Variants in TMPRSS15 observed in about 807,000 individuals in gnomAD.
TMPRSS15 encodes the protein enteropeptidase.
A neutral mutation model predicts 125.3 loss-of-function variants in TMPRSS15; 128 were observed. The ratio of observed to expected loss-of-function variants is 1.02; its 90% CI spans 0.89 to 1.18. TMPRSS15 has a LOEUF of 1.18. TMPRSS15 is among the 50% of genes most tolerant of loss of function. The pLI, the probability that TMPRSS15 is intolerant of heterozygous loss-of-function variation, is 0.00. For missense variants in TMPRSS15, 1,283 were observed against 1,212.7 expected (o/e 1.06, Z -0.86); for synonymous variants, 446 against 423.2 (o/e 1.05, Z -0.66).
At chr21:18,433,109 A>C (rs935272307) in intron 1 of TMPRSS15, among the ~76,000 whole-genome samples, 1 of 152,174 alleles carries the variant, frequency 6.6e-6, no homozygotes, top group Non-Finnish European at 1.5e-5. Flanking sequence ...ACTAACTAGC[A>C]GCCAATATGC....
At chr21:18,476,129 A>T (rs1232161999) in intron 1 of TMPRSS15, among the ~76,000 whole-genome samples, 1 of 152,170 alleles carries the variant, frequency 6.6e-6, no homozygotes, top group Non-Finnish European at 1.5e-5. Flanking sequence ...AAGAAATCAT[A>T]TATGAAAAAA....
intron 1 of TMPRSS15, among the ~76,000 whole-genome samples, chr21:18,427,169 C>A (rs1352469875): frequency 6.6e-6 from 1 of 152,208 alleles, no homozygotes; most frequent in African/African-American, 2.4e-5. Context: ...AACAGATTCA[C>A]TTCTCTCTCC....
intron 18 of TMPRSS15, among the ~76,000 whole-genome samples, chr21:18,312,610 T>C (rs952362979): frequency 1.3e-5 from 2 of 151,766 alleles, no homozygotes; most frequent in Non-Finnish European, 2.9e-5. Context: ...TATTTATCTA[T>C]ATTATGATAT....
At chr21:18,279,888 T>A (rs1208270551) in intron 22 of TMPRSS15, among the ~76,000 whole-genome samples, 3 of 152,138 alleles carry the variant, frequency 2.0e-5, no homozygotes, top group African/African-American at 7.2e-5. Flanking sequence ...AGCATTGACA[T>A]TGGTCACTGA....
intron 3 of TMPRSS15, among the ~76,000 whole-genome samples, chr21:18,388,309 A>G (rs576832233): frequency 6.6e-6 from 1 of 152,278 alleles, no homozygotes; most frequent in South Asian, 2.1e-4. Flanking sequence ...GGAAACAAAC[A>G]ATCCCTAAGC....
chr21:18,348,163 A>C (rs34000631), intron 10 of TMPRSS15, among the ~76,000 whole-genome samples: 20,511 of 152,142 alleles, frequency 0.13, 1,912 homozygotes, highest in East Asian at 0.39. Flanking sequence ...CCAGTCTGGG[A>C]GACAGAGTGA....
At chr21:18,481,463 A>G (rs1186812506) in intron 1 of TMPRSS15, among the ~76,000 whole-genome samples, 1 of 151,862 alleles carries the variant, frequency 6.6e-6, no homozygotes, top group African/African-American at 2.4e-5. Context: ...TCAGTTGTAA[A>G]ACAATTTATG....
At position 18,359,847 on chromosome 21, in the gene TMPRSS15, A is replaced by C; in HGVS notation, c.790T>G (p.Ser264Ala). The C allele has an allele frequency of 6.6e-7, 1 of 1,515,704 alleles. No individual in the cohort carries two copies. Among genetic ancestry groups the C allele is most frequent in the South Asian group, 1.1e-5 (1 of 88,780 alleles). The allele number at this position is 1,515,704 out of a possible 1,614,324, so 93.9% of individuals were successfully genotyped here. Residue 264 changes from serine (S) to alanine (A), a missense_variant, in exon 8 of 25, where the codon TCC becomes GCC. Coordinates refer to ENST00000284885, the MANE Select transcript of TMPRSS15 (RefSeq NM_002772.3). ...AAATCATCGAAGCTCAGTTTAATGG[A>C]AAGTCCTTGGTTTACACTAAATTAA... ...QWIIRVNQGLSIKLSFDDFNT... is the reference protein window; with the variant it reads ...QWIIRVNQGLAIKLSFDDFNT...
intron 18 of TMPRSS15, among the ~76,000 whole-genome samples, chr21:18,300,793 G>GA (rs1042899031): frequency 2.2e-4 from 29 of 131,862 alleles, no homozygotes; most frequent in Admixed American, 1.7e-4. Flanking sequence ...GATTGACAGT[G>GA]ATTTTTTTTT....
rs1357742266 is a variant in TMPRSS15, at chr21:18,269,329, A to G, written c.*640T>C. 2.0e-5 allele frequency: 3 copies of G among 152,228 alleles called. No individual in the cohort carries two copies. Among genetic ancestry groups the G allele is most frequent in the African/African-American group, 7.2e-5 (3 of 41,454 alleles). The allele number at this position is 152,228 out of a possible 1,614,324, so 9.4% of individuals were successfully genotyped here. A position where few individuals can be genotyped will look rare whatever the true frequency, so the allele number is the denominator to read the frequency against. On this transcript the variant is annotated 3_prime_UTR_variant, in exon 25 of 25. Transcript: ENST00000284885. ...ATAGGTAAAATTTATCTAATATACAATGACTATATCAGTTAATTTATCTTT... is the reference window on the plus strand; with the variant it reads ...ATAGGTAAAATTTATCTAATATACAGTGACTATATCAGTTAATTTATCTTT...
At chr21:18,382,424 C>T (rs1266179538) in intron 4 of TMPRSS15, among the ~76,000 whole-genome samples, 3 of 152,086 alleles carry the variant, frequency 2.0e-5, no homozygotes, top group Admixed American at 1.3e-4. Flanking sequence ...ACAGCAGCTG[C>T]AACATGTTGC....
At chr21:18,416,419 A>C (rs2076180311) in intron 1 of TMPRSS15, among the ~76,000 whole-genome samples, 1 of 152,072 alleles carries the variant, frequency 6.6e-6, no homozygotes, top group Middle Eastern at 3.2e-3. Context: ...CTTTTTCAGA[A>C]TATCCTAGAG....
rs561122993 is a variant in TMPRSS15, at chr21:18,348,389, A to G, written c.1172-4329T>C. Among the ~76,000 whole-genome samples, 5 of 152,316 alleles carry G rather than the reference A, an allele frequency of 3.3e-5. No homozygotes were observed. In the South Asian group the frequency reaches 8.3e-4, roughly 25 times the overall value. ...CTGAGCATGTGCTGATCTGATATAG[A>G]GATAGCAGAAACTGGAGAGATAGTA... On this transcript the variant is annotated intron_variant, in intron 10 of 24. Coordinates refer to ENST00000284885, the MANE Select transcript of TMPRSS15 (RefSeq NM_002772.3).
rs2824751 is a variant in TMPRSS15 at position 18,341,504 on chromosome 21, C to T, written c.1473G>A (p.Ala491=). The change falls in exon 13 of 25, where the codon GCG becomes GCA. Residue 491 remains alanine (A), a synonymous_variant. Coordinates refer to ENST00000284885, the MANE Select transcript of TMPRSS15 (RefSeq NM_002772.3). ...AFKNKILSDI[A]LDDISLTYGI... Reference sequence around the variant, plus strand: ...CATATGTTAGGCTAATGTCATCCAACGCAATATCACTCAGGATCTTGTTTT... The same window carrying T: ...CATATGTTAGGCTAATGTCATCCAATGCAATATCACTCAGGATCTTGTTTT... 382,265 of 1,613,480 alleles carry T rather than the reference C, an allele frequency of 0.24. 46,506 individuals carry two copies. Among genetic ancestry groups the T allele is most frequent in the South Asian group, 0.26 (23,278 of 91,070 alleles).
chr21:18,338,717 A>G (rs2075417873), intron 13 of TMPRSS15, among the ~76,000 whole-genome samples: 1 of 120,722 alleles, frequency 8.3e-6, no homozygotes, highest in Non-Finnish European at 1.7e-5. Flanking sequence ...AGAGACAGAC[A>G]GAGAGAGAGA....
At position 18,282,068 on chromosome 21, in the gene TMPRSS15, A is replaced by C. The variant is rs370072438; in HGVS notation, c.2487-847T>G. On this transcript the variant is annotated intron_variant, in intron 21 of 24. Coordinates refer to ENST00000284885, the MANE Select transcript of TMPRSS15 (RefSeq NM_002772.3). Reference sequence around the variant, plus strand: ...AGCCGAGATTGCGCCACTGCACTCCAGCCTGGGAGACAAAGCAAGACTCCG... The same window carrying C: ...AGCCGAGATTGCGCCACTGCACTCCCGCCTGGGAGACAAAGCAAGACTCCG... Among the ~76,000 whole-genome samples, 29 of 139,274 alleles carry C rather than the reference A, an allele frequency of 2.1e-4. No homozygotes were observed. The East Asian group carries it at 3.2e-3, about 16-fold the overall frequency. 91.4% of individuals were successfully genotyped at this position (139,274 alleles called of 152,430 possible).
rs118121704 is a variant in TMPRSS15 at position 18,471,543 on chromosome 21, C to T, written c.10+14256G>A. ...AAAGCCTAAGTAATGTTTGCTCAAG[C>T]TGACAAACCTGCAGTGCAGAAATAA... is the stretch of plus-strand genomic sequence containing the variant. On this transcript the variant is annotated intron_variant, in intron 1 of 7. Coordinates refer to the TMPRSS15 transcript ENST00000422787. 3.4e-4 allele frequency among the ~76,000 whole-genome samples: 51 copies of T among 151,660 alleles called. No homozygotes were observed. In the East Asian group the frequency reaches 9.1e-3, roughly 27 times the overall value.
chr21:18,355,719 A>G (rs2147012898), intron 8 of TMPRSS15, among the ~76,000 whole-genome samples: 1 of 151,924 alleles, frequency 6.6e-6, no homozygotes, highest in African/African-American at 2.4e-5. Flanking sequence ...AAGGAGTAAA[A>G]GTAATTCTCA....
At chr21:18,359,981 C>T in intron 7 of TMPRSS15, 118 bp from the exon 8 acceptor site, 1 of 591,050 alleles carries the variant, frequency 1.7e-6, no homozygotes, top group Non-Finnish European at 3.1e-6. Flanking sequence ...GATATCTACT[C>T]TCTTAAATTT....
Sources: allele counts gnomAD v4.1 joint callset (sites outside exome capture counted in the v4.1 genomes callset), GRCh38; gene constraint gnomAD v4.1.1; transcripts MANE v1.5; gene names NCBI Gene and HGNC (gene_info 2026-07-23, HGNC 2026-07-21).